Variants in PGGT1B observed in about 807,000 individuals in gnomAD.
The protein encoded by PGGT1B is protein geranylgeranyltransferase type I subunit beta.
In PGGT1B, 30 loss-of-function variants were observed where a neutral mutation model predicts 46.1. The ratio of observed to expected loss-of-function variants is 0.65; its 90% CI spans 0.49 to 0.88. The LOEUF is 0.88. PGGT1B is among the 40% of genes least tolerant of loss of function. The pLI is 0.00. For missense variants in PGGT1B, 376 were observed against 455.9 expected (o/e 0.82, Z 1.60); for synonymous variants, 170 against 160.0 (o/e 1.06, Z -0.47).
chr5:115,261,806 C>T (rs1011964735), intron 1 of PGGT1B, among the ~76,000 whole-genome samples: 4 of 152,188 alleles, frequency 2.6e-5, no homozygotes, highest in African/African-American at 9.7e-5. Context: ...CTATATACTC[C>T]TATGAACACT....
chr5:115,213,926 T>C (rs1435485989), intron 8 of PGGT1B, among the ~76,000 whole-genome samples: 1 of 152,200 alleles, frequency 6.6e-6, no homozygotes, highest in Non-Finnish European at 1.5e-5. Context: ...AAAATGTTAT[T>C]TAACTAATGG....
rs185344252 is a variant in PGGT1B, at chr5:115,223,130, T to C, written c.659-1122A>G. Among the ~76,000 whole-genome samples the C allele has an allele frequency of 6.4e-3, 966 of 151,628 alleles. 4 individuals are homozygous for C. Among genetic ancestry groups the C allele is most frequent in the Middle Eastern group, 0.014 (4 of 290 alleles). On this transcript the variant is annotated intron_variant, in intron 6 of 8. Transcript: ENST00000419445. Reference sequence around the variant, plus strand: ...CTTAAAGTATAAAAAAAAAAAAGAATTTTAAGGAAGAAAAGAATGGTGGGG... The same window carrying C: ...CTTAAAGTATAAAAAAAAAAAAGAACTTTAAGGAAGAAAAGAATGGTGGGG...
At chr5:115,238,392 C>T (rs974565931) in intron 3 of PGGT1B, among the ~76,000 whole-genome samples, 1 of 135,760 alleles carries the variant, frequency 7.4e-6, no homozygotes, top group African/African-American at 2.7e-5. Flanking sequence ...CAGTCTCCAA[C>T]TCCTGGGCTC....
intron 6 of PGGT1B, among the ~76,000 whole-genome samples, chr5:115,227,727 T>A (rs1165350061): frequency 6.6e-6 from 1 of 152,200 alleles, no homozygotes; most frequent in African/African-American, 2.4e-5. Flanking sequence ...TAAAATCATA[T>A]TTCTATTACA....
Position 115,207,752 on chromosome 5 carries a change from T to C in PGGT1B, c.*4650A>G, listed in dbSNP as rs557902778. On this transcript the variant is annotated 3_prime_UTR_variant, in exon 9 of 9. Coordinates refer to ENST00000419445, the MANE Select transcript of PGGT1B (RefSeq NM_005023.4). ...AATAGTTTTACCTCTTCCTTTCCAA[T>C]TCACGTCTTTATTTTGTCTAACTTC... The C allele has an allele frequency of 6.6e-6, 1 of 152,188 alleles. No individual in the cohort carries two copies. Among genetic ancestry groups the C allele is most frequent in the South Asian group, 2.1e-4 (1 of 4,832 alleles). 9.4% of individuals were successfully genotyped at this position (152,188 alleles called of 1,614,324 possible).
chr5:115,217,263 C>T (rs976880331), intron 7 of PGGT1B, among the ~76,000 whole-genome samples: 2 of 151,780 alleles, frequency 1.3e-5, no homozygotes, highest in Non-Finnish European at 3.0e-5. Flanking sequence ...ATCCACTCAA[C>T]ATAATCAGTC....
intron 7 of PGGT1B, 126 bp from the exon 8 acceptor site, chr5:115,217,099 G>T: frequency 4.9e-6 from 3 of 614,628 alleles, no homozygotes; most frequent in South Asian, 2.1e-5. Context: ...AAGTCTCTGG[G>T]GCCTTGAGCA....
At chr5:115,235,921 A>C (rs1757166621) in intron 5 of PGGT1B, among the ~76,000 whole-genome samples, 1 of 152,162 alleles carries the variant, frequency 6.6e-6, no homozygotes, top group Non-Finnish European at 1.5e-5. Context: ...TGGAATGCAG[A>C]AGTTTTATTT....
intron 8 of PGGT1B, among the ~76,000 whole-genome samples, chr5:115,214,830 T>C (rs1349242534): frequency 2.6e-5 from 4 of 152,214 alleles, no homozygotes; most frequent in Non-Finnish European, 4.4e-5. Context: ...AACAGTACCC[T>C]GCACTGGTTT....
chr5:115,216,014 A>G (rs1371473345), intron 8 of PGGT1B, among the ~76,000 whole-genome samples: 1 of 152,170 alleles, frequency 6.6e-6, no homozygotes, highest in Non-Finnish European at 1.5e-5. Context: ...GAGGTGGGAG[A>G]GGAGCCAAAT....
At position 115,210,417 on chromosome 5, in the gene PGGT1B, G is replaced by C. The variant is rs1756188524; in HGVS notation, c.*1985C>G. 5.3e-5 allele frequency: 8 copies of C among 152,010 alleles called. No homozygotes were observed. The highest frequency in any genetic ancestry group is 3.9e-4 in the Admixed American group (6 of 15,244). 9.4% of individuals were successfully genotyped at this position (152,010 alleles called of 1,614,324 possible). ...AAATAGTTTCTCCACAATTCACACTGGGCTGCTATTTTCTGGTCAATTCAG... is the reference window on the plus strand; with the variant it reads ...AAATAGTTTCTCCACAATTCACACTCGGCTGCTATTTTCTGGTCAATTCAG... On this transcript the variant is annotated 3_prime_UTR_variant, in exon 9 of 9. Transcript: ENST00000419445.
At chr5:115,228,408 C>A (rs1040766306) in intron 6 of PGGT1B, among the ~76,000 whole-genome samples, 2 of 151,836 alleles carry the variant, frequency 1.3e-5, no homozygotes, top group African/African-American at 4.8e-5. Flanking sequence ...AAACATAGGT[C>A]GTTTATAAAA....
chr5:115,234,379 G>C (rs1757107976), intron 5 of PGGT1B, among the ~76,000 whole-genome samples: 1 of 151,954 alleles, frequency 6.6e-6, no homozygotes, highest in Non-Finnish European at 1.5e-5. Flanking sequence ...TGGGAGTTAA[G>C]AAGAGGGGGG....
intron 2 of PGGT1B, among the ~76,000 whole-genome samples, chr5:115,251,397 C>T (rs184023430): frequency 1.9e-3 from 291 of 152,108 alleles, no homozygotes; most frequent in Non-Finnish European, 3.4e-3. Flanking sequence ...CTTTTTAAAA[C>T]AACATAGATA....
At chr5:115,249,688 GAAGTT>G (rs1274294361) in intron 2 of PGGT1B, among the ~76,000 whole-genome samples, 1 of 152,102 alleles carries the variant, frequency 6.6e-6, no homozygotes, top group Non-Finnish European at 1.5e-5. Context: ...GCTTTACGAG[GAAGTT>G]AAGTTTAAAA....
At chr5:115,234,287 T>A (rs1757103051) in intron 5 of PGGT1B, among the ~76,000 whole-genome samples, 1 of 150,286 alleles carries the variant, frequency 6.7e-6, no homozygotes. Flanking sequence ...TATCTTCTCA[T>A]CAATAAGAAA....
chr5:115,212,823 C>G (rs893575643), intron 8 of PGGT1B, among the ~76,000 whole-genome samples: 2 of 152,034 alleles, frequency 1.3e-5, no homozygotes, highest in Non-Finnish European at 2.9e-5. Context: ...AAAACAGTTT[C>G]CAGCTGAAGA....
chr5:115,243,966 G>A (rs1457559447), intron 2 of PGGT1B, among the ~76,000 whole-genome samples: 2 of 151,910 alleles, frequency 1.3e-5, no homozygotes, highest in African/African-American at 4.8e-5. Context: ...ATTCCATGAC[G>A]AACGTTTCTG....
chr5:115,222,337 C>T (rs1756613962), intron 6 of PGGT1B, among the ~76,000 whole-genome samples: 1 of 152,146 alleles, frequency 6.6e-6, no homozygotes, highest in Non-Finnish European at 1.5e-5. Context: ...GACCCAATCA[C>T]CTGAGACTGA....
Sources: gnomAD v4.1 joint callset for allele counts (sites outside exome capture counted in the v4.1 genomes callset) on GRCh38, gnomAD v4.1.1 for gene constraint, MANE v1.5 for transcripts, NCBI Gene and HGNC (gene_info 2026-07-23, HGNC 2026-07-21) for gene names.